Variants in CKMT2 observed in about 807,000 individuals in gnomAD.
CKMT2 encodes the protein creatine kinase, mitochondrial 2.
CKMT2 carries 43 observed loss-of-function variants against 48.9 expected under a neutral mutation model. The observed-to-expected ratio is 0.88, with a 90% CI of 0.69 to 1.13. The LOEUF (loss-of-function observed/expected upper bound fraction) is 1.13. Ranked by LOEUF, CKMT2 falls within the 50% of genes most tolerant of loss-of-function variation. The probability of loss-of-function intolerance (pLI) is 0.00; values close to 1 mark genes in which losing one functional copy is unlikely to be tolerated. For synonymous variants in CKMT2, 206 were observed against 213.0 expected (o/e 0.97, Z 0.29); for missense variants, 472 against 555.4 (o/e 0.85, Z 1.51).
chr5:81,241,001 T>C (rs1409630212), intron 1 of CKMT2, among the ~76,000 whole-genome samples: 1 of 152,172 alleles, frequency 6.6e-6, no homozygotes, highest in Non-Finnish European at 1.5e-5. Flanking sequence ...TGACATTCAT[T>C]CACTTACTCA....
In CKMT2 at chr5:81,251,192, C is replaced by G. The variant is rs1299225523; in HGVS notation, c.60C>G (p.Thr20=). The change falls in exon 2 of 10, where the codon ACC becomes ACG. Residue 20 remains threonine (T), a synonymous_variant. Transcript: ENST00000254035. The part of the protein sequence containing the change: ...TGRNASLLFA[T]MGTSVLTTGY... ...GCAATGCTTCTCTGCTGTTTGCTAC[C>G]ATGGGCACCAGTGTCCTGACCACCG... is the stretch of plus-strand genomic sequence containing the variant. 6.2e-7 allele frequency: 1 copy of G among 1,614,040 alleles called. No homozygotes were observed. Among genetic ancestry groups the G allele is most frequent in the Non-Finnish European group, 8.5e-7 (1 of 1,180,010 alleles).
At position 81,266,274 on chromosome 5, in the gene CKMT2, A is replaced by G. The variant is rs775634510; in HGVS notation, c.*16A>G. The G allele has an allele frequency of 3.9e-5, 63 of 1,611,424 alleles. No individual in the cohort carries two copies. The highest frequency in any genetic ancestry group is 5.3e-5 in the Non-Finnish European group (63 of 1,177,986). Reference sequence around the variant, plus strand: ...CAAAAAGTAAACTTTCCCTTTCCCAATTTATAAATAATCTGTCTGCTGGTA... The same window carrying G: ...CAAAAAGTAAACTTTCCCTTTCCCAGTTTATAAATAATCTGTCTGCTGGTA... On this transcript the variant is annotated 3_prime_UTR_variant, in exon 10 of 10. Transcript: ENST00000254035.
rs775530882 is a variant in CKMT2 at position 81,255,042 on chromosome 5, G to A, written c.497G>A (p.Arg166His). ...CATTACGTGCTGTCTTCTCGGGTGC[G>A]CACTGGCCGCAGCATCCGTGGGCTG... ...DEHYVLSSRVRTGRSIRGLSL... is the reference protein window; with the variant it reads ...DEHYVLSSRVHTGRSIRGLSL... The change falls in exon 5 of 10, where the codon CGC (arginine) becomes CAC (histidine). Residue 166 changes from arginine (R) to histidine (H), a missense_variant. By Grantham distance (29) the Arg-to-His change is conservative. Coordinates refer to ENST00000254035, the MANE Select transcript of CKMT2 (RefSeq NM_001099735.2). The A allele has an allele frequency of 2.7e-5, 44 of 1,613,796 alleles. No individual in the cohort carries two copies. Among genetic ancestry groups the A allele is most frequent in the Non-Finnish European group, 3.5e-5 (41 of 1,179,982 alleles).
At chr5:81,257,141 A>AGTGTGTGTGTGTGTGTGTGTGT (rs3830407) in intron 6 of CKMT2, 141 bp downstream of exon 6, 19 of 499,126 alleles carry the variant, frequency 3.8e-5, no homozygotes, top group African/African-American at 3.4e-4. Context: ...CTACTTGGAA[A>AGTGTGTGTGTGTGTGTGTGTGT]GTGTGTGTGT....
At chr5:81,253,458 C>T (rs1481964289) in intron 3 of CKMT2, among the ~76,000 whole-genome samples, 1 of 152,180 alleles carries the variant, frequency 6.6e-6, no homozygotes, top group African/African-American at 2.4e-5. Context: ...ACAGGGTGGT[C>T]GGCTGGAACA....
chr5:81,249,094 G>A (rs1756711627), intron 1 of CKMT2, among the ~76,000 whole-genome samples: 1 of 150,960 alleles, frequency 6.6e-6, no homozygotes, highest in Admixed American at 6.6e-5. Context: ...TGTCACCCAG[G>A]TTGGATTGCA....
chr5:81,250,385 G>A (rs576012079), intron 1 of CKMT2, among the ~76,000 whole-genome samples: 38 of 152,256 alleles, frequency 2.5e-4, no homozygotes, highest in Admixed American at 9.8e-4. Flanking sequence ...ATCTTCAGTC[G>A]TTAGCAGTCT....
chr5:81,251,103 T>C lies in CKMT2; in HGVS notation c.-20-10T>C, dbSNP rs1382659415. ...ATGAAGCTATCTAATCCAGCTTCTT[T>C]GCTTTCCAGACACTCATCCAAGAGG... On this transcript the variant is annotated splice_polypyrimidine_tract_variant and intron_variant, in intron 1 of 9. Transcript: ENST00000254035. The C allele has an allele frequency of 1.9e-6, 3 of 1,611,178 alleles. No individual in the cohort carries two copies. The highest frequency in any genetic ancestry group is 3.3e-5 in the Admixed American group (2 of 59,940).
chr5:81,248,696 A>G (rs1475173042), intron 1 of CKMT2, among the ~76,000 whole-genome samples: 1 of 152,220 alleles, frequency 6.6e-6, no homozygotes, highest in East Asian at 1.9e-4. Flanking sequence ...GAATTGAAAG[A>G]ATTGTTTGCA....
chr5:81,262,625 C>T (rs1036611569), intron 8 of CKMT2, among the ~76,000 whole-genome samples: 3 of 152,020 alleles, frequency 2.0e-5, no homozygotes, highest in East Asian at 1.9e-4. Flanking sequence ...TAAAACCACA[C>T]CGAGATACCA....
At chr5:81,256,577 T>C (rs986178111) in intron 5 of CKMT2, among the ~76,000 whole-genome samples, 33 of 152,180 alleles carry the variant, frequency 2.2e-4, no homozygotes, top group African/African-American at 7.5e-4. Context: ...CGCTCAGCCA[T>C]TGTATAGGGT....
chr5:81,235,782 G>A (rs900621813), intron 1 of CKMT2: 2 of 152,140 alleles, frequency 1.3e-5, no homozygotes, highest in Admixed American at 6.5e-5. Context: ...TTTTTAATGC[G>A]GAGGGCAGTG....
intron 8 of CKMT2, among the ~76,000 whole-genome samples, chr5:81,260,537 C>CCACT (rs1757179227): frequency 6.6e-6 from 1 of 152,172 alleles, no homozygotes; most frequent in Non-Finnish European, 1.5e-5. Context: ...GGGGCTATCA[C>CCACT]CACTGATCGT....
rs780527870 is a variant in CKMT2, at chr5:81,251,080, GA to G, written c.-20-31del. 3.2e-4 allele frequency: 506 copies of G among 1,588,550 alleles called. 1 individual carries two copies. The highest frequency in any genetic ancestry group is 4.1e-4 in the Non-Finnish European group (481 of 1,163,252). ...ATGTTGTGGCTCAGGGTCATCCTATGAAGCTATCTAATCCAGCTTCTTTGCT... is the reference window on the plus strand; with the variant it reads ...ATGTTGTGGCTCAGGGTCATCCTATGAGCTATCTAATCCAGCTTCTTTGCT... On this transcript the variant is annotated intron_variant, in intron 1 of 9. Coordinates refer to ENST00000254035, the MANE Select transcript of CKMT2 (RefSeq NM_001099735.2).
At chr5:81,245,732 C>A (rs1756586176) in intron 1 of CKMT2, among the ~76,000 whole-genome samples, 1 of 152,142 alleles carries the variant, frequency 6.6e-6, no homozygotes, top group African/African-American at 2.4e-5. Context: ...TGAGACGGGG[C>A]AGCAGGTGAT....
chr5:81,251,523 G>A (rs1251721688), intron 2 of CKMT2, among the ~76,000 whole-genome samples: 1 of 152,154 alleles, frequency 6.6e-6, no homozygotes, highest in East Asian at 1.9e-4. Flanking sequence ...GGGAGGCGGA[G>A]GTTGTTGTGA....
intron 4 of CKMT2, 24 bp downstream of exon 4, chr5:81,254,515 T>A: frequency 6.2e-7 from 1 of 1,605,382 alleles, no homozygotes; most frequent in Non-Finnish European, 8.5e-7. Context: ...TCCCTCTCCT[T>A]CCCCACGAAG....
chr5:81,243,593 G>C (rs1756508608), intron 1 of CKMT2, among the ~76,000 whole-genome samples: 1 of 152,196 alleles, frequency 6.6e-6, no homozygotes, highest in South Asian at 2.1e-4. Context: ...CAATGGAGCT[G>C]AATGTGAGGC....
Position 81,244,418 on chromosome 5 carries a change from CA to C in CKMT2, c.-20-6692del, listed in dbSNP as rs778681881. On this transcript the variant is annotated intron_variant, in intron 1 of 9. Coordinates refer to ENST00000254035, the MANE Select transcript of CKMT2 (RefSeq NM_001099735.2). ...TGGAGGTCTTAGCCTGGTTGTAAGA[CA>C]AAGTAAAATCAGACGCAGATGTCAT... Among the ~76,000 whole-genome samples the C allele has an allele frequency of 6.8e-4, 104 of 152,262 alleles. 1 individual carries two copies. The highest frequency in any genetic ancestry group is 2.9e-4 in the Non-Finnish European group (20 of 68,022).
Sources: gnomAD v4.1 joint callset for allele counts (sites outside exome capture counted in the v4.1 genomes callset) on GRCh38, gnomAD v4.1.1 for gene constraint, MANE v1.5 for transcripts, NCBI Gene and HGNC (gene_info 2026-07-23, HGNC 2026-07-21) for gene names.